Variants in ADGB observed in about 807,000 individuals in gnomAD.
The protein encoded by ADGB is androglobin.
Under a neutral mutation model 210.5 loss-of-function variants are expected in ADGB, and 172 were observed. That is an observed-to-expected ratio of 0.82 (90% CI 0.72 to 0.93). The LOEUF (loss-of-function observed/expected upper bound fraction) is 0.93. ADGB is among the 40% of genes least tolerant of loss of function. The pLI, the probability that ADGB is intolerant of heterozygous loss-of-function variation, is 0.00. For synonymous variants in ADGB, 658 were observed against 662.7 expected (o/e 0.99, Z 0.11); for missense variants, 2,025 against 1,964.8 (o/e 1.03, Z -0.58).
intron 1 of ADGB, among the ~76,000 whole-genome samples, chr6:146,624,599 A>G (rs1780946135): frequency 6.6e-6 from 1 of 151,758 alleles, no homozygotes. Context: ...TTTCTAGTCT[A>G]TTGATTTCTG....
At chr6:146,737,892 T>C (rs558065694) in intron 23 of ADGB, among the ~76,000 whole-genome samples, 67 of 152,324 alleles carry the variant, frequency 4.4e-4, no homozygotes, top group African/African-American at 1.5e-3. Flanking sequence ...TCAGCTCATA[T>C]CTGATACAGA....
At chr6:146,627,371 C>T (rs1425134916) in intron 1 of ADGB, among the ~76,000 whole-genome samples, 2 of 151,928 alleles carry the variant, frequency 1.3e-5, no homozygotes, top group Admixed American at 6.6e-5. Context: ...TTACTGGATG[C>T]TGGATATTTT....
intron 30 of ADGB, 68 bp from the exon 31 acceptor site, chr6:146,784,550 T>C: frequency 8.3e-7 from 1 of 1,211,468 alleles, no homozygotes. Context: ...TTATGTATCA[T>C]ATGGTAAAAT....
intron 1 of ADGB, among the ~76,000 whole-genome samples, chr6:146,629,628 T>G (rs1038359292): frequency 6.6e-6 from 1 of 152,214 alleles, no homozygotes; most frequent in African/African-American, 2.4e-5. Flanking sequence ...TTTAGCTTCC[T>G]GAATGAAGTA....
At chr6:146,805,429 C>A (rs1462432391) in intron 35 of ADGB, among the ~76,000 whole-genome samples, 1 of 152,148 alleles carries the variant, frequency 6.6e-6, no homozygotes, top group Non-Finnish European at 1.5e-5. Flanking sequence ...CTACGAGGTA[C>A]CTGGAAGATA....
chr6:146,674,473 A>G (rs1435736145), intron 8 of ADGB, among the ~76,000 whole-genome samples: 2 of 152,164 alleles, frequency 1.3e-5, no homozygotes, highest in Non-Finnish European at 2.9e-5. Flanking sequence ...GGGCCAGCCC[A>G]GGGAGAGCAA....
chr6:146,656,176 T>C (rs928797896), intron 4 of ADGB, among the ~76,000 whole-genome samples: 4 of 152,222 alleles, frequency 2.6e-5, no homozygotes, highest in African/African-American at 9.6e-5. Context: ...CTGTTTCCAC[T>C]CTGAAGTCCA....
At chr6:146,666,151 G>C (rs1775934657) in intron 6 of ADGB, among the ~76,000 whole-genome samples, 1 of 152,078 alleles carries the variant, frequency 6.6e-6, no homozygotes, top group Admixed American at 6.6e-5. Flanking sequence ...CTGACGGATA[G>C]TCAGCTGAAG....
intron 23 of ADGB, among the ~76,000 whole-genome samples, chr6:146,738,398 T>C (rs368765179): frequency 8.6e-5 from 13 of 151,586 alleles, no homozygotes; most frequent in African/African-American, 2.7e-4. Context: ...CAATTTATGA[T>C]TTAGTCTTAA....
chr6:146,667,904 G>T (rs1454240804), intron 7 of ADGB, among the ~76,000 whole-genome samples: 1 of 151,974 alleles, frequency 6.6e-6, no homozygotes, highest in Non-Finnish European at 1.5e-5. Flanking sequence ...GGAAACTAAA[G>T]CTCTCAGAGG....
rs555944996 is a variant in ADGB, at chr6:146,766,340, C to T, written c.3750+2240C>T. 2.0e-5 allele frequency among the ~76,000 whole-genome samples: 3 copies of T among 151,936 alleles called. No individual in the cohort carries two copies. In the South Asian group the frequency reaches 6.2e-4, roughly 32 times the overall value. ...TACTTCAGAGGCTGAGGCATGAGAACCGCTTGAACCTGGGAGGCGGAGGTT... is the reference window on the plus strand; with the variant it reads ...TACTTCAGAGGCTGAGGCATGAGAATCGCTTGAACCTGGGAGGCGGAGGTT... On this transcript the variant is annotated intron_variant, in intron 28 of 35. Transcript: ENST00000397944.
At chr6:146,793,932 T>C (rs1777993913) in intron 33 of ADGB, among the ~76,000 whole-genome samples, 1 of 152,152 alleles carries the variant, frequency 6.6e-6, no homozygotes, top group Admixed American at 6.5e-5. Context: ...GATTGTAGAG[T>C]AAGGATAGAT....
chr6:146,711,792 G>C (rs901432882), intron 13 of ADGB, among the ~76,000 whole-genome samples: 1 of 152,122 alleles, frequency 6.6e-6, no homozygotes, highest in African/African-American at 2.4e-5. Flanking sequence ...CATGTTGGTA[G>C]GCTGAGGCAG....
chr6:146,800,321 A>G (rs1484712095), intron 33 of ADGB, among the ~76,000 whole-genome samples: 1 of 152,164 alleles, frequency 6.6e-6, no homozygotes, highest in East Asian at 1.9e-4. Flanking sequence ...ACAAATCTGT[A>G]GAGACATAAG....
In ADGB at chr6:146,646,309, T is replaced by C. The variant is rs533765837; in HGVS notation, c.330+1444T>C. ...TGGCTACCTGTGCCAGGCCATCATG[T>C]TCTTTGGTGGCACCCCTATAGCCAA... On this transcript the variant is annotated intron_variant, in intron 3 of 35. Transcript: ENST00000397944. Among the ~76,000 whole-genome samples, 13 of 152,194 alleles carry C rather than the reference T, an allele frequency of 8.5e-5. No individual in the cohort carries two copies. The South Asian group carries it at 2.7e-3, about 32-fold the overall frequency.
intron 26 of ADGB, among the ~76,000 whole-genome samples, chr6:146,752,288 A>C (rs1250950292): frequency 1.3e-5 from 2 of 151,962 alleles, no homozygotes; most frequent in Non-Finnish European, 2.9e-5. Flanking sequence ...ATGTTTAAAC[A>C]ACCAGATCTC....
At position 146,801,931 on chromosome 6, in the gene ADGB, G is replaced by C. The variant is rs1430056210; in HGVS notation, c.4738G>C (p.Val1580Leu). The C allele has an allele frequency of 6.4e-7, 1 of 1,551,000 alleles. No homozygotes were observed. The highest frequency in any genetic ancestry group is 8.7e-7 in the Non-Finnish European group (1 of 1,146,714). ...TCAGTTTCGACAGCATAGGACCAGAGTCCTTAGCATTCGAAACATTGACCA... is the reference window on the plus strand; with the variant it reads ...TCAGTTTCGACAGCATAGGACCAGACTCCTTAGCATTCGAAACATTGACCA... Reference protein sequence around the residue: ...IHQFRQHRTRVLSIRNIDQEE... With the variant: ...IHQFRQHRTRLLSIRNIDQEE... The change falls in exon 35 of 36, where the codon GTC becomes CTC. Residue 1580 changes from valine (V) to leucine (L), a missense_variant. Physicochemically the swap from Val to Leu is conservative, Grantham distance 32. Coordinates refer to ENST00000397944, the MANE Select transcript of ADGB (RefSeq NM_024694.4).
intron 9 of ADGB, among the ~76,000 whole-genome samples, chr6:146,680,245 A>G (rs1274000975): frequency 6.6e-6 from 1 of 152,132 alleles, no homozygotes; most frequent in African/African-American, 2.4e-5. Context: ...CTCAATTACA[A>G]TTCCCTTTTT....
chr6:146,762,892 C>A (rs561021503), intron 27 of ADGB, among the ~76,000 whole-genome samples: 1 of 152,178 alleles, frequency 6.6e-6, no homozygotes. Context: ...CACAGCCCCC[C>A]AGTAGTTATT....
Sources: gnomAD v4.1 joint callset for allele counts (sites outside exome capture counted in the v4.1 genomes callset) on GRCh38, gnomAD v4.1.1 for gene constraint, MANE v1.5 for transcripts, NCBI Gene and HGNC (gene_info 2026-07-23, HGNC 2026-07-21) for gene names.